Variants in MED14 observed in about 807,000 individuals in gnomAD.
MED14 encodes the protein mediator complex subunit 14, also known as mediator of RNA polymerase II transcription subunit 14.
In MED14, 8 loss-of-function variants were observed where a neutral mutation model predicts 109.0. That is an observed-to-expected ratio of 0.07 (90% CI 0.04 to 0.13). MED14 has a LOEUF of 0.13. Among genes scored for constraint, MED14 ranks in the 10% least tolerant of loss-of-function variants. The pLI is 1.00. For missense variants in MED14, 711 were observed against 1,142.4 expected (o/e 0.62, Z 5.44); for synonymous variants, 399 against 408.7 (o/e 0.98, Z 0.29).
intron 26 of MED14, among the ~76,000 whole-genome samples, chrX:40,662,424 T>C (rs1420809467): frequency 9.1e-6 from 1 of 110,452 alleles, no homozygotes; most frequent in African/African-American, 3.3e-5. Context: ...GGTCTTGCTA[T>C]ATTGCCTAGG....
chrX:40,692,224 T>C lies in MED14; in HGVS notation c.1939A>G (p.Met647Val), dbSNP rs140565673. Residue 647 changes from methionine to valine, a missense_variant, in exon 15 of 31, where the codon ATG (methionine) becomes GTG (valine). By Grantham distance (21) the Met-to-Val change is conservative. Transcript: ENST00000324817. ...ACAAATGGCATATTTGTATCACACA[T>C]AGCGACGAAGTGGGCTAAAACTTTA... ...FNKVLAHFVA[M>V]CDTNMPFVGL... 9 of 1,207,813 alleles carry C rather than the reference T, an allele frequency of 7.5e-6. No individual in the cohort carries two copies. In the African/African-American group the frequency reaches 1.1e-4, roughly 14 times the overall value.
intron 22 of MED14, among the ~76,000 whole-genome samples, chrX:40,672,281 T>TTTAGAGAGATTTAGA (rs1555989668): frequency 4.4e-5 from 5 of 112,564 alleles, no homozygotes; most frequent in Admixed American, 9.4e-5. Flanking sequence ...ATTATTTATC[T>TTTAGAGAGATTTAGA]ACCATTTCAT....
intron 26 of MED14, chrX:40,659,830 G>A: frequency 3.3e-6 from 1 of 303,588 alleles, no homozygotes; most frequent in Non-Finnish European, 5.7e-6. Context: ...AAGTATTCTT[G>A]CAAAACAACA....
At chrX:40,735,159 G>A (rs1932211639) in intron 1 of MED14, 39 bp downstream of exon 1, 3 of 994,580 alleles carry the variant, frequency 3.0e-6, no homozygotes, top group East Asian at 4.1e-5. Flanking sequence ...TGGGCGGGAA[G>A]GGGGGCTGGG....
At chrX:40,708,173 C>G (rs966667499) in intron 10 of MED14, among the ~76,000 whole-genome samples, 3 of 110,250 alleles carry the variant, frequency 2.7e-5, no homozygotes, top group African/African-American at 9.9e-5. Flanking sequence ...ATACATTCAC[C>G]AAATTTCTGG....
At chrX:40,679,735 T>C in intron 21 of MED14, 129 bp downstream of exon 21, 1 of 570,660 alleles carries the variant, frequency 1.8e-6, no homozygotes, top group Non-Finnish European at 2.7e-6. Context: ...ATACAGATGA[T>C]GAGTTAACAC....
intron 3 of MED14, among the ~76,000 whole-genome samples, chrX:40,724,273 A>G (rs1373809428): frequency 3.6e-5 from 4 of 112,644 alleles, no homozygotes; most frequent in Non-Finnish European, 7.5e-5. Flanking sequence ...CATTGGACGG[A>G]TCTCCCAGAC....
At position 40,677,796 on chromosome X, in the gene MED14, G is replaced by A. The variant is rs770288062; in HGVS notation, c.2880+2068C>T. 3.0e-4 allele frequency among the ~76,000 whole-genome samples: 33 copies of A among 111,622 alleles called. No homozygotes were observed. The South Asian group carries it at 0.012, about 42-fold the overall frequency. ...GAGATGAACCAAGAAATAGTGCAAG[G>A]AAATTTCCCAAAGCAAAAGGATATT... On this transcript the variant is annotated intron_variant, in intron 21 of 30. Coordinates refer to ENST00000324817, the MANE Select transcript of MED14 (RefSeq NM_004229.4).
At chrX:40,670,533 G>A (rs1049762287) in intron 23 of MED14, among the ~76,000 whole-genome samples, 4 of 110,752 alleles carry the variant, frequency 3.6e-5, no homozygotes, top group Non-Finnish European at 7.6e-5. Context: ...AGGCCGAGGC[G>A]GGTGGATCAT....
Position 40,650,788 on chromosome X carries a change from A to G in MED14, c.*1018T>C, listed in dbSNP as rs150414514. 253 of 752,616 alleles carry G rather than the reference A, an allele frequency of 3.4e-4. No individual in the cohort carries two copies. Among genetic ancestry groups the G allele is most frequent in the African/African-American group, 3.0e-3 (128 of 43,335 alleles). 62.0% of individuals were successfully genotyped at this position (752,616 alleles called of 1,213,427 possible). Reference sequence around the variant, plus strand: ...ATTGAAATTGTTTAGAACAATCCCAATTTTGGTGGGGAAGGAAAGGAGGAT... The same window carrying G: ...ATTGAAATTGTTTAGAACAATCCCAGTTTTGGTGGGGAAGGAAAGGAGGAT... On this transcript the variant is annotated 3_prime_UTR_variant, in exon 31 of 31. Transcript: ENST00000324817.
chrX:40,660,860 C>A (rs778910535), intron 26 of MED14, among the ~76,000 whole-genome samples: 1 of 113,045 alleles, frequency 8.8e-6, no homozygotes, highest in Non-Finnish European at 1.9e-5. Context: ...ATGAAGGTTG[C>A]AAAATGGCTT....
Position 40,691,069 on chromosome X carries a change from T to A in MED14, c.1980+1114A>T, listed in dbSNP as rs771570166. On this transcript the variant is annotated intron_variant, in intron 15 of 30. Transcript: ENST00000324817. ...TTAACCTACAGGGAAATAACTGGGG[T>A]TTTAGTGTATCACTTTTGAGGGGCT... Among the ~76,000 whole-genome samples, 10 of 111,832 alleles carry A rather than the reference T, an allele frequency of 8.9e-5. No homozygotes were observed. The East Asian group carries it at 2.8e-3, about 31-fold the overall frequency.
rs1383111741 is a variant in MED14 at position 40,700,106 on chromosome X, G to A, written c.1490+1059C>T. On this transcript the variant is annotated intron_variant, in intron 12 of 30. Transcript: ENST00000324817. ...AGAGGTTGCAGTGAGCCGAGATGAC[G>A]CCACTGCACTCCAGCCCGGGCAAGA... 3.6e-5 allele frequency among the ~76,000 whole-genome samples: 4 copies of A among 110,147 alleles called. No homozygotes were observed. In the East Asian group the frequency reaches 8.5e-4, roughly 23 times the overall value.
chrX:40,652,452 AT>A (rs1246841167), intron 30 of MED14, among the ~76,000 whole-genome samples: 2 of 112,264 alleles, frequency 1.8e-5, no homozygotes, highest in Non-Finnish European at 3.8e-5. Context: ...ATTAACTTAA[AT>A]TTAAATAGCC....
chrX:40,652,964 C>T (rs1406761736), intron 30 of MED14, among the ~76,000 whole-genome samples: 1 of 110,281 alleles, frequency 9.1e-6, no homozygotes, highest in African/African-American at 3.3e-5. Flanking sequence ...ATCCAAAGGT[C>T]TGCCCAGTCC....
At chrX:40,674,582 C>T (rs1208643977) in intron 22 of MED14, among the ~76,000 whole-genome samples, 1 of 112,013 alleles carries the variant, frequency 8.9e-6, no homozygotes, top group Non-Finnish European at 1.9e-5. Context: ...AATGAAGCCC[C>T]TGAAGACTCC....
chrX:40,710,234 G>A lies in MED14; in HGVS notation c.1023-105C>T, dbSNP rs1419554502. 46 of 447,312 alleles carry A rather than the reference G, an allele frequency of 1.0e-4. No homozygotes were observed. In the East Asian group the frequency reaches 1.9e-3, roughly 18 times the overall value. The allele number at this position is 447,312 out of a possible 1,213,427, so 36.9% of individuals were successfully genotyped here. The stretch of plus-strand genomic sequence containing the variant: ...GCAGTTTAGCCACAGCCTGGAATAC[G>A]GCAGGCCCCCAGTGTTTGTGGAGGG... On this transcript the variant is annotated intron_variant, in intron 8 of 30. Transcript: ENST00000324817.
intron 30 of MED14, among the ~76,000 whole-genome samples, chrX:40,653,316 G>T (rs1424982907): frequency 8.9e-6 from 1 of 111,777 alleles, no homozygotes; most frequent in East Asian, 2.8e-4. Flanking sequence ...GCAGAAAATT[G>T]TAAGAAGTAG....
At chrX:40,655,446 A>G (rs1200489414) in intron 28 of MED14, among the ~76,000 whole-genome samples, 1 of 110,647 alleles carries the variant, frequency 9.0e-6, no homozygotes, top group Non-Finnish European at 1.9e-5. Context: ...TCCTCATACC[A>G]CCATCAGATA....
Sources: allele counts gnomAD v4.1 joint callset (sites outside exome capture counted in the v4.1 genomes callset), GRCh38; gene constraint gnomAD v4.1.1; transcripts MANE v1.5; gene names NCBI Gene and HGNC (gene_info 2026-07-23, HGNC 2026-07-21).